Variants in SERPINI1 observed in about 807,000 individuals in gnomAD.
The protein encoded by SERPINI1 is neuroserpin.
SERPINI1 carries 19 observed loss-of-function variants against 41.1 expected under a neutral mutation model. The observed-to-expected ratio is 0.46, with a 90% CI of 0.32 to 0.68. The LOEUF (loss-of-function observed/expected upper bound fraction) is 0.68, where lower values mean the gene tolerates loss of function less well. Ranked by LOEUF, SERPINI1 falls within the 30% of genes least tolerant of loss-of-function variation. The pLI is 0.03. For synonymous variants in SERPINI1, 138 were observed against 156.6 expected (o/e 0.88, Z 0.89); for missense variants, 460 against 479.2 (o/e 0.96, Z 0.37).
At chr3:167,807,199 A>G in intron 5 of SERPINI1, 45 bp from the exon 6 acceptor site, 1 of 1,251,160 alleles carries the variant, frequency 8.0e-7, no homozygotes, top group Non-Finnish European at 1.2e-6. Context: ...GTTCCAGGTA[A>G]CAAGATGCTC....
intron 1 of SERPINI1, among the ~76,000 whole-genome samples, chr3:167,770,816 TGTTTCTCC>T (rs1239781531): frequency 6.6e-6 from 1 of 152,220 alleles, no homozygotes; most frequent in African/African-American, 2.4e-5. Context: ...TCTGTTTCCC[TGTTTCTCC>T]AGCTCTCACT....
intron 6 of SERPINI1, among the ~76,000 whole-genome samples, chr3:167,817,120 G>A (rs1041957755): frequency 8.6e-5 from 13 of 152,008 alleles, no homozygotes; most frequent in Admixed American, 2.0e-4. Context: ...AGATCATCCC[G>A]GAGGAAGCTT....
chr3:167,790,588 A>C lies in SERPINI1; in HGVS notation c.467A>C (p.Glu156Ala). The C allele has an allele frequency of 6.2e-7, 1 of 1,612,450 alleles. No homozygotes were observed. Among genetic ancestry groups the C allele is most frequent in the Non-Finnish European group, 8.5e-7 (1 of 1,178,578 alleles). ...AVANYINKWV[E>A]NNTNNLVKDL... is the part of the protein sequence containing the mutation. ...GCCAACTACATCAATAAGTGGGTGG[A>C]GAATAACACAAACAGTATGTCACTT... Residue 156 changes from glutamate to alanine, a missense_variant, in exon 3 of 9, where the codon GAG (glutamate) becomes GCG (alanine). By Grantham distance (107) the Glu-to-Ala change is moderately radical. Coordinates refer to ENST00000446050, the MANE Select transcript of SERPINI1 (RefSeq NM_001122752.2).
At chr3:167,790,695 G>T in intron 3 of SERPINI1, 93 bp downstream of exon 3, 1 of 927,164 alleles carries the variant, frequency 1.1e-6, no homozygotes, top group East Asian at 2.6e-5. Flanking sequence ...TTTGCATTTT[G>T]AATGTTTGAG....
intron 1 of SERPINI1, among the ~76,000 whole-genome samples, chr3:167,745,750 T>G (rs943638743): frequency 6.6e-6 from 1 of 152,104 alleles, no homozygotes; most frequent in Non-Finnish European, 1.5e-5. Flanking sequence ...AAACTAATTG[T>G]ATTTTTATAC....
chr3:167,740,441 C>A (rs1054299043), intron 1 of SERPINI1, among the ~76,000 whole-genome samples: 14 of 152,150 alleles, frequency 9.2e-5, no homozygotes, highest in African/African-American at 3.4e-4. Flanking sequence ...GTTTCATTGA[C>A]GTTTGTATTC....
At chr3:167,753,788 T>G (rs928845061) in intron 1 of SERPINI1, among the ~76,000 whole-genome samples, 1 of 152,198 alleles carries the variant, frequency 6.6e-6, no homozygotes, top group African/African-American at 2.4e-5. Flanking sequence ...AAAGGAGAAC[T>G]GTATATCAGA....
intron 1 of SERPINI1, among the ~76,000 whole-genome samples, chr3:167,778,701 A>G (rs1254384705): frequency 2.0e-5 from 3 of 152,232 alleles, no homozygotes; most frequent in Non-Finnish European, 1.5e-5. Flanking sequence ...ATGATTCCTG[A>G]GCAGTAAGCA....
At chr3:167,768,775 A>C (rs1726645220) in intron 1 of SERPINI1, among the ~76,000 whole-genome samples, 1 of 152,200 alleles carries the variant, frequency 6.6e-6, no homozygotes, top group South Asian at 2.1e-4. Context: ...AGATGGTTGA[A>C]GGGCATCATC....
intron 1 of SERPINI1, among the ~76,000 whole-genome samples, chr3:167,787,885 T>C (rs1316654313): frequency 6.6e-6 from 1 of 152,216 alleles, no homozygotes; most frequent in Non-Finnish European, 1.5e-5. Context: ...ACAGGACTGA[T>C]TAGGATCTTC....
chr3:167,820,278 A>G (rs1712268763), intron 6 of SERPINI1, among the ~76,000 whole-genome samples: 1 of 152,170 alleles, frequency 6.6e-6, no homozygotes, highest in African/African-American at 2.4e-5. Context: ...AGGAGCAGCC[A>G]GGGCTTCATG....
intron 1 of SERPINI1, among the ~76,000 whole-genome samples, chr3:167,764,498 C>T (rs1163494191): frequency 2.6e-5 from 4 of 152,090 alleles, no homozygotes; most frequent in African/African-American, 7.2e-5. Flanking sequence ...AAAGACTTGC[C>T]CCCATGGTGC....
rs190477306 is a variant in SERPINI1 at position 167,775,323 on chromosome 3, G to A, written c.-18-13788G>A. ...GTTGCCCAGGCTGCAGTGCAGTGGC[G>A]CAGTCTCAGCTCACTGCAACCTCCG... On this transcript the variant is annotated intron_variant, in intron 1 of 8. Transcript: ENST00000446050. Among the ~76,000 whole-genome samples the A allele has an allele frequency of 2.5e-4, 37 of 150,450 alleles. No homozygotes were observed. The East Asian group carries it at 3.7e-3, about 15-fold the overall frequency.
chr3:167,777,447 A>G (rs1726997356), intron 1 of SERPINI1, among the ~76,000 whole-genome samples: 1 of 152,206 alleles, frequency 6.6e-6, no homozygotes, highest in South Asian at 2.1e-4. Flanking sequence ...TATTGAGTCA[A>G]TACAGTTTCA....
At chr3:167,745,943 G>A (rs1363832944) in intron 1 of SERPINI1, among the ~76,000 whole-genome samples, 5 of 152,140 alleles carry the variant, frequency 3.3e-5, no homozygotes, top group Admixed American at 2.6e-4. Flanking sequence ...AGTATCTCAT[G>A]TTCATGAGTT....
intron 6 of SERPINI1, among the ~76,000 whole-genome samples, chr3:167,819,243 G>A (rs575516919): frequency 5.0e-4 from 76 of 151,112 alleles, no homozygotes; most frequent in Admixed American, 1.5e-3. Context: ...TGAGTTTCTG[G>A]GCTCAAGTGA....
At chr3:167,788,360 A>G (rs1396557924) in intron 1 of SERPINI1, among the ~76,000 whole-genome samples, 2 of 152,198 alleles carry the variant, frequency 1.3e-5, no homozygotes, top group African/African-American at 2.4e-5. Flanking sequence ...ATATTAATTT[A>G]AATAGAAACA....
intron 2 of SERPINI1, 128 bp from the exon 3 acceptor site, chr3:167,790,244 A>C: frequency 1.4e-6 from 1 of 699,968 alleles, no homozygotes; most frequent in Non-Finnish European, 2.6e-6. Context: ...TGTGGGGGAA[A>C]GCCTGGCACT....
chr3:167,813,245 C>G (rs1478370807), intron 6 of SERPINI1, among the ~76,000 whole-genome samples: 1 of 152,240 alleles, frequency 6.6e-6, no homozygotes, highest in African/African-American at 2.4e-5. Context: ...CAACAGCTAA[C>G]AAAGTTCATC....
Sources: allele counts gnomAD v4.1 joint callset (sites outside exome capture counted in the v4.1 genomes callset), GRCh38; gene constraint gnomAD v4.1.1; transcripts MANE v1.5; gene names NCBI Gene and HGNC (gene_info 2026-07-23, HGNC 2026-07-21).